The following PDXDC1 variants were observed in gnomAD, a reference collection of about 807,000 sequenced individuals.
PDXDC1 encodes pyridoxal-dependent decarboxylase domain-containing protein 1.
A neutral mutation model predicts 100.1 loss-of-function variants in PDXDC1; 42 were observed. The observed-to-expected ratio is 0.42, with a 90% CI of 0.33 to 0.54. The LOEUF is 0.54. Ranked by LOEUF, PDXDC1 falls within the 20% of genes least tolerant of loss-of-function variation. The pLI is 0.10. For missense variants in PDXDC1, 636 were observed against 979.2 expected, an observed-to-expected ratio of 0.65 and a Z score of 4.68; for synonymous variants, 260 against 371.7, an observed-to-expected ratio of 0.70 and a Z score of 3.46.
chr16:15,012,594 C>T (rs2041410130), intron 8 of PDXDC1, among the ~76,000 whole-genome samples: 1 of 152,278 alleles, frequency 6.6e-6, no homozygotes, highest in Admixed American at 6.5e-5. Context: ...CTTGTAATCC[C>T]AACACTTGGG....
downstream of PDXDC1, among the ~76,000 whole-genome samples, chr16:15,043,142 G>A (rs954884616): frequency 8.6e-5 from 13 of 151,722 alleles, no homozygotes; most frequent in African/African-American, 1.7e-4. Context: ...TCAAGTGATC[G>A]GCCTGCCTTG....
At chr16:15,127,724 C>G in intron 16 of PDXDC1, 1 of 1,511,742 alleles carries the variant, frequency 6.6e-7, no homozygotes, top group East Asian at 2.5e-5. Flanking sequence ...TACCACACGG[C>G]GTTGGCGCCC....
intron 16 of PDXDC1, chr16:15,055,647 C>T (rs1226041247): frequency 2.0e-5 from 7 of 347,810 alleles, no homozygotes; most frequent in African/African-American, 1.1e-4. Flanking sequence ...TTGGGCAAGT[C>T]ACCTAACCTC....
chr16:15,129,388 A>T (rs1456297162), intron 16 of PDXDC1, among the ~76,000 whole-genome samples: 1 of 152,016 alleles, frequency 6.6e-6, no homozygotes, highest in Non-Finnish European at 1.5e-5. Flanking sequence ...GCTGTGAGCC[A>T]AGATCACGCC....
intron 16 of PDXDC1, chr16:15,061,857 G>T: frequency 6.2e-7 from 1 of 1,613,758 alleles, no homozygotes; most frequent in Non-Finnish European, 8.5e-7. Flanking sequence ...GTATCATTCT[G>T]GGGCACTTCG....
At chr16:15,117,163 G>C (rs1439338990) in intron 16 of PDXDC1, among the ~76,000 whole-genome samples, 1 of 3,436 alleles carries the variant, frequency 2.9e-4, no homozygotes, top group Non-Finnish European at 6.7e-4. Flanking sequence ...CCAGCCACTC[G>C]GGAGGCTGAG....
chr16:15,076,741 T>C, intron 16 of PDXDC1: 1 of 878,298 alleles, frequency 1.1e-6, no homozygotes, highest in Non-Finnish European at 1.9e-6. Flanking sequence ...TATACGCATG[T>C]TCAAGGTGTC....
At chr16:14,990,373 G>A (rs1311316967) in intron 1 of PDXDC1, among the ~76,000 whole-genome samples, 1 of 152,298 alleles carries the variant, frequency 6.6e-6, no homozygotes, top group East Asian at 1.9e-4. Flanking sequence ...TGTTGCCCTG[G>A]TGTTGTTTAT....
chr16:15,064,202 G>C (rs929057359), intron 16 of PDXDC1, among the ~76,000 whole-genome samples: 1 of 151,780 alleles, frequency 6.6e-6, no homozygotes, highest in Admixed American at 6.6e-5. Context: ...CTGAGACAGA[G>C]TCTCACTCTC....
At position 15,074,840 on chromosome 16, in the gene PDXDC1, G is replaced by A. The variant is rs766192896; in HGVS notation, c.1399+44784G>A. ...CGTTCAGGACCAGCCTTTGTTTCAT[G>A]TTCAGTTTCTTCATCTTCATCCTTT... is the stretch of plus-strand genomic sequence containing the variant. On this transcript the variant is annotated intron_variant, in intron 16 of 16. Coordinates refer to the PDXDC1 transcript ENST00000535621. The A allele has an allele frequency of 6.8e-6, 11 of 1,611,236 alleles. No homozygotes were observed. In the East Asian group the frequency reaches 2.2e-4, roughly 33 times the overall value.
intron 8 of PDXDC1, among the ~76,000 whole-genome samples, chr16:15,013,464 A>T (rs1243605927): frequency 6.6e-6 from 1 of 151,610 alleles, no homozygotes; most frequent in Non-Finnish European, 1.5e-5. Context: ...GGTTGATGGG[A>T]TTTGGGGGTT....
At chr16:15,134,048 G>A in intron 16 of PDXDC1, 1 of 1,567,996 alleles carries the variant, frequency 6.4e-7, no homozygotes, top group Non-Finnish European at 8.6e-7. Context: ...CCAGTGTCTT[G>A]TTGCTGAACG....
chr16:15,111,756 C>CAAAAAAA (rs1202549941), intron 16 of PDXDC1, among the ~76,000 whole-genome samples: 2 of 58,612 alleles, frequency 3.4e-5, no homozygotes, highest in Admixed American at 2.4e-4. Context: ...GACTCCGTCT[C>CAAAAAAA]AAAAAAAAAA....
intron 16 of PDXDC1, chr16:15,125,572 A>C: frequency 2.0e-6 from 3 of 1,533,926 alleles, no homozygotes; most frequent in Non-Finnish European, 2.7e-6. Context: ...ATCCAGAAAC[A>C]AGTCACTCTT....
chr16:15,117,507 A>C (rs1318074757), intron 16 of PDXDC1, among the ~76,000 whole-genome samples: 1 of 151,338 alleles, frequency 6.6e-6, no homozygotes, highest in Non-Finnish European at 1.5e-5. Flanking sequence ...AAATACAAAA[A>C]TTAGCCAGGC....
chr16:15,090,955 A>AATAGAAAG (rs931182631), intron 16 of PDXDC1, among the ~76,000 whole-genome samples: 2 of 151,188 alleles, frequency 1.3e-5, no homozygotes, highest in African/African-American at 4.9e-5. Context: ...GTAGTAATCT[A>AATAGAAAG]ATAGAAAGGA....
intron 1 of PDXDC1, among the ~76,000 whole-genome samples, chr16:14,990,326 C>T (rs1177909940): frequency 2.6e-5 from 4 of 152,246 alleles, no homozygotes; most frequent in African/African-American, 4.8e-5. Context: ...TCCTCCTTCT[C>T]CTACAATTTA....
chr16:15,001,279 A>G (rs960775739), intron 3 of PDXDC1, among the ~76,000 whole-genome samples: 4 of 152,280 alleles, frequency 2.6e-5, no homozygotes, highest in Admixed American at 6.5e-5. Context: ...ACTTGAAGCC[A>G]GGAGTTGAAG....
intron 17 of PDXDC1, 80 bp downstream of exon 17, chr16:15,031,986 A>G (rs1373278487): frequency 1.7e-6 from 2 of 1,199,244 alleles, no homozygotes; most frequent in African/African-American, 3.0e-5. Flanking sequence ...GAACCACCTT[A>G]GAAATCCAAG....
Sources: gnomAD v4.1 joint callset for allele counts (sites outside exome capture counted in the v4.1 genomes callset) on GRCh38, gnomAD v4.1.1 for gene constraint, MANE v1.5 for transcripts, NCBI Gene and HGNC (gene_info 2026-07-23, HGNC 2026-07-21) for gene names.